Variants in TAF4B observed in about 807,000 individuals in gnomAD.
TAF4B encodes the protein transcription initiation factor TFIID subunit 4B.
In TAF4B, 38 loss-of-function variants were observed where a neutral mutation model predicts 86.4. That is an observed-to-expected ratio of 0.44 (90% confidence interval 0.34 to 0.58). The LOEUF (loss-of-function observed/expected upper bound fraction) is 0.58, where lower values mean the gene tolerates loss of function less well. Ranked by LOEUF, TAF4B falls within the 20% of genes least tolerant of loss-of-function variation. TAF4B has a pLI of 0.02. For synonymous variants in TAF4B, 388 were observed against 391.2 expected (o/e 0.99, Z 0.10); for missense variants, 988 against 1,027.6 (o/e 0.96, Z 0.53).
intron 9 of TAF4B, among the ~76,000 whole-genome samples, chr18:26,294,124 T>A (rs1297151897): frequency 6.6e-6 from 1 of 152,172 alleles, no homozygotes. Flanking sequence ...CATGAACATA[T>A]GCTTTTGCTA....
chr18:26,300,128 C>T (rs80353536), intron 9 of TAF4B, among the ~76,000 whole-genome samples: 3 of 151,828 alleles, frequency 2.0e-5, no homozygotes, highest in South Asian at 2.1e-4. Flanking sequence ...ACTACAGGTG[C>T]GCATCACCAT....
intron 3 of TAF4B, among the ~76,000 whole-genome samples, chr18:26,270,231 T>C (rs1052412714): frequency 1.1e-4 from 17 of 152,200 alleles, no homozygotes; most frequent in African/African-American, 4.1e-4. Context: ...CACTACTTCT[T>C]CAGGGCCCTT....
rs2055588265 is a variant in TAF4B, at chr18:26,227,092, C to T, written c.159C>T (p.Cys53=). 1.9e-6 allele frequency: 3 copies of T among 1,610,860 alleles called. No homozygotes were observed. The highest frequency in any genetic ancestry group is 2.5e-6 in the Non-Finnish European group (3 of 1,179,074). The part of the protein sequence containing the change: ...GAVTKAPVSV[C]VEPTASQPLR... ...TGACTAAGGCTCCTGTCAGCGTCTG[C>T]GTGGAGCCCACGGCGTCCCAGCCCC... The change falls in exon 1 of 15, where the codon TGC becomes TGT. Residue 53 remains cysteine, a synonymous_variant. Transcript: ENST00000269142.
chr18:26,292,139 G>C, intron 7 of TAF4B, 107 bp from the exon 8 acceptor site: 1 of 1,252,860 alleles, frequency 8.0e-7, no homozygotes, highest in Non-Finnish European at 1.1e-6. Context: ...TTAAGATAAA[G>C]GTATATTTAT....
intron 1 of TAF4B, among the ~76,000 whole-genome samples, chr18:26,252,432 G>A (rs1232057908): frequency 6.6e-6 from 1 of 152,050 alleles, no homozygotes; most frequent in Non-Finnish European, 1.5e-5. Flanking sequence ...TCTATATATA[G>A]TAGTTCCTCT....
At position 26,238,002 on chromosome 18, in the gene TAF4B, A is replaced by G. The variant is rs150923961; in HGVS notation, c.343+10726A>G. Among the ~76,000 whole-genome samples, 364 of 152,264 alleles carry G rather than the reference A, an allele frequency of 2.4e-3. 1 individual carries two copies. The highest frequency in any genetic ancestry group is 8.4e-3 in the African/African-American group (348 of 41,552). On this transcript the variant is annotated intron_variant, in intron 1 of 14. Coordinates refer to ENST00000269142, the MANE Select transcript of TAF4B (RefSeq NM_005640.3). ...CGGTCCGTGGACCCTGCTGTTCAGA[A>G]TAGTTGTGCTCACCAAAGCAGCAGC...
chr18:26,258,619 G>T (rs1383271624), intron 1 of TAF4B, among the ~76,000 whole-genome samples: 1 of 152,082 alleles, frequency 6.6e-6, no homozygotes, highest in Non-Finnish European at 1.5e-5. Context: ...TTGGTCACTT[G>T]TTTTCAGCCT....
At chr18:26,254,193 G>T (rs1035743406) in intron 1 of TAF4B, among the ~76,000 whole-genome samples, 1 of 151,958 alleles carries the variant, frequency 6.6e-6, no homozygotes, top group Non-Finnish European at 1.5e-5. Flanking sequence ...CTCCCAAAGC[G>T]CTGGGATTAC....
chr18:26,267,834 G>A (rs1478993631), intron 3 of TAF4B, among the ~76,000 whole-genome samples: 3 of 152,180 alleles, frequency 2.0e-5, no homozygotes, highest in African/African-American at 7.2e-5. Context: ...TTTTACTTCA[G>A]TGTATTAAGT....
At chr18:26,334,061 G>C (rs1598807057) in intron 12 of TAF4B, among the ~76,000 whole-genome samples, 2 of 151,832 alleles carry the variant, frequency 1.3e-5, no homozygotes, top group East Asian at 3.9e-4. Context: ...TATATACACA[G>C]ACTCATTCTC....
Position 26,243,801 on chromosome 18 carries a change from C to T in TAF4B, c.343+16525C>T, listed in dbSNP as rs144214691. On this transcript the variant is annotated intron_variant, in intron 1 of 14. Coordinates refer to ENST00000269142, the MANE Select transcript of TAF4B (RefSeq NM_005640.3). Reference sequence around the variant, plus strand: ...TCCTTTCTGTTAGTTTTCCTTCTAACAGTCAGGACCCTCAGCTGCAGGTCT... The same window carrying T: ...TCCTTTCTGTTAGTTTTCCTTCTAATAGTCAGGACCCTCAGCTGCAGGTCT... Among the ~76,000 whole-genome samples, 1,132 of 152,284 alleles carry T rather than the reference C, an allele frequency of 7.4e-3. 2 individuals are homozygous for T. Among genetic ancestry groups the T allele is most frequent in the Middle Eastern group, 0.017 (5 of 294 alleles).
Position 26,389,882 on chromosome 18 carries a change from G to C in TAF4B, c.2459G>C (p.Ser820Thr). ...AACCTTCTTGCTTCTGGGACATCCA[G>C]CCTGACAGCCACCAAACAGTTGCAT... is the stretch of plus-strand genomic sequence containing the variant. ...KDNLLASGTSSLTATKQLHRP... is the reference protein window; with the variant it reads ...KDNLLASGTSTLTATKQLHRP... The change falls in exon 15 of 15, where the codon AGC becomes ACC. Residue 820 changes from serine to threonine, a missense_variant. Transcript: ENST00000269142. 5 of 1,613,894 alleles carry C rather than the reference G, an allele frequency of 3.1e-6. No individual in the cohort carries two copies. The highest frequency in any genetic ancestry group is 4.2e-6 in the Non-Finnish European group (5 of 1,179,904).
intron 5 of TAF4B, among the ~76,000 whole-genome samples, chr18:26,277,545 G>A (rs1040760807): frequency 1.3e-5 from 2 of 152,052 alleles, no homozygotes; most frequent in African/African-American, 4.8e-5. Context: ...GAAAACAGCT[G>A]GATTCTCATA....
Position 26,274,817 on chromosome 18 carries a change from TTTC to T in TAF4B, c.754_756del (p.Ser252del), listed in dbSNP as rs1445865088. 1 of 1,614,178 alleles carries T rather than the reference TTTC, an allele frequency of 6.2e-7. No homozygotes were observed. The highest frequency in any genetic ancestry group is 1.1e-5 in the South Asian group (1 of 91,084). On this transcript the variant is annotated inframe_deletion, in exon 4 of 15. Coordinates refer to ENST00000269142, the MANE Select transcript of TAF4B (RefSeq NM_005640.3). ...AACTCAGCAGCTGTTCAGATTAATC[TTTC>T]TCCGGTAAGCTCTTACTTGCACCTT...
intron 11 of TAF4B, among the ~76,000 whole-genome samples, chr18:26,322,609 T>C (rs2056972078): frequency 6.6e-6 from 1 of 152,162 alleles, no homozygotes; most frequent in Non-Finnish European, 1.5e-5. Context: ...TTACTGATTT[T>C]TGTTATTTGC....
chr18:26,297,014 C>T (rs2056670824), intron 9 of TAF4B, among the ~76,000 whole-genome samples: 1 of 151,936 alleles, frequency 6.6e-6, no homozygotes, highest in Non-Finnish European at 1.5e-5. Flanking sequence ...TGGTGCATGT[C>T]TGTAGTCTCA....
chr18:26,338,995 T>C (rs1479245496), intron 13 of TAF4B, among the ~76,000 whole-genome samples: 1 of 152,244 alleles, frequency 6.6e-6, no homozygotes, highest in Non-Finnish European at 1.5e-5. Context: ...CCTAGTCTTA[T>C]TCCATTGAAG....
Position 26,241,748 on chromosome 18 carries a change from C to T in TAF4B, c.343+14472C>T, listed in dbSNP as rs558630504. 2.6e-5 allele frequency among the ~76,000 whole-genome samples: 4 copies of T among 152,338 alleles called. No individual in the cohort carries two copies. In the South Asian group the frequency reaches 8.3e-4, roughly 32 times the overall value. On this transcript the variant is annotated intron_variant, in intron 1 of 14. Coordinates refer to ENST00000269142, the MANE Select transcript of TAF4B (RefSeq NM_005640.3). ...AGTGCTATAAATTTCCCTCTACACA[C>T]TGCTTTAAATGTTCCCAGAGATTCT...
At chr18:26,304,774 C>G (rs2056777434) in intron 9 of TAF4B, 1 of 985,202 alleles carries the variant, frequency 1.0e-6, no homozygotes, top group Admixed American at 6.1e-5. Context: ...TTAACAGGTC[C>G]TGTGAACCAA....
Sources: allele counts gnomAD v4.1 joint callset (sites outside exome capture counted in the v4.1 genomes callset), GRCh38; gene constraint gnomAD v4.1.1; transcripts MANE v1.5; gene names NCBI Gene and HGNC (gene_info 2026-07-23, HGNC 2026-07-21).